Variants in PTPRT observed in about 807,000 individuals in gnomAD.
PTPRT encodes the protein protein tyrosine phosphatase receptor type T, also known as receptor-type tyrosine-protein phosphatase T.
In PTPRT, 56 loss-of-function variants were observed where a neutral mutation model predicts 176.8. The observed-to-expected ratio is 0.32, with a 90% CI of 0.26 to 0.40. The LOEUF (loss-of-function observed/expected upper bound fraction) is 0.40. Among genes scored for constraint, PTPRT ranks in the 10% least tolerant of loss-of-function variants. The pLI is 1.00. For missense variants in PTPRT, 1,540 were observed against 1,908.2 expected (o/e 0.81, Z 3.60); for synonymous variants, 783 against 739.0 (o/e 1.06, Z -0.96).
intron 16 of PTPRT, among the ~76,000 whole-genome samples, chr20:42,193,204 ATATGGAC>A (rs1253298526): frequency 6.6e-6 from 1 of 152,270 alleles, no homozygotes; most frequent in East Asian, 1.9e-4. Context: ...GATAATAATC[ATATGGAC>A]TATACAGGGT....
chr20:42,739,880 C>T (rs900319370), intron 6 of PTPRT, among the ~76,000 whole-genome samples: 2 of 152,204 alleles, frequency 1.3e-5, no homozygotes, highest in Admixed American at 1.3e-4. Flanking sequence ...GGGAGCCCCA[C>T]CTATGCATGT....
chr20:42,053,800 C>T, the PTPRT span, among the ~76,000 whole-genome samples: 109 of 152,238 alleles, frequency 7.2e-4, no homozygotes, highest in Non-Finnish European at 1.4e-3. Flanking sequence ...TTATTTAGCA[C>T]CTATTTGGAG....
chr20:42,206,370 C>G (rs946639828), intron 15 of PTPRT, among the ~76,000 whole-genome samples: 9 of 152,300 alleles, frequency 5.9e-5, no homozygotes, highest in Middle Eastern at 3.4e-3. Flanking sequence ...ATCTGAGGTA[C>G]CGGGTTCATC....
chr20:42,963,576 T>A (rs921917522), intron 1 of PTPRT, among the ~76,000 whole-genome samples: 13 of 151,096 alleles, frequency 8.6e-5, no homozygotes, highest in Admixed American at 3.9e-4. Flanking sequence ...AGAAAGAATA[T>A]AAATGCTATA....
chr20:42,355,711 C>A (rs2058349421), intron 9 of PTPRT, among the ~76,000 whole-genome samples: 1 of 152,160 alleles, frequency 6.6e-6, no homozygotes, highest in African/African-American at 2.4e-5. Context: ...AACCCCAGTG[C>A]ACCAGTGGAG....
At position 42,921,932 on chromosome 20, in the gene PTPRT, C is replaced by T. The variant is rs563097618; in HGVS notation, c.89-36000G>A. Among the ~76,000 whole-genome samples, 3 of 152,288 alleles carry T rather than the reference C, an allele frequency of 2.0e-5. No individual in the cohort carries two copies. The East Asian group carries it at 5.8e-4, about 29-fold the overall frequency. On this transcript the variant is annotated intron_variant, in intron 1 of 30. Coordinates refer to ENST00000373187, the MANE Select transcript of PTPRT (RefSeq NM_007050.6). Reference sequence around the variant, plus strand: ...AGATTCCACACAGCGTTCTCTCTTGCTTGTCTTCCACCTACTCTTTTGAGA... The same window carrying T: ...AGATTCCACACAGCGTTCTCTCTTGTTTGTCTTCCACCTACTCTTTTGAGA...
intron 5 of PTPRT, among the ~76,000 whole-genome samples, chr20:42,770,856 G>C (rs1042109556): frequency 1.3e-5 from 2 of 152,180 alleles, no homozygotes; most frequent in African/African-American, 4.8e-5. Context: ...GGAACTTTTA[G>C]GTTTTGGTCT....
chr20:42,895,408 A>G (rs923356382), intron 1 of PTPRT, among the ~76,000 whole-genome samples: 2 of 152,208 alleles, frequency 1.3e-5, no homozygotes, highest in African/African-American at 4.8e-5. Context: ...CTTGTCTCCA[A>G]ACACAGTCAC....
chr20:42,166,693 C>T (rs577918734), intron 16 of PTPRT, among the ~76,000 whole-genome samples: 3 of 152,072 alleles, frequency 2.0e-5, no homozygotes, highest in African/African-American at 4.8e-5. Context: ...CCTAGGTGGG[C>T]GGATTGTCTA....
At chr20:43,116,788 G>T (rs187914181) in intron 1 of PTPRT, among the ~76,000 whole-genome samples, 1 of 152,280 alleles carries the variant, frequency 6.6e-6, no homozygotes, top group South Asian at 2.1e-4. Flanking sequence ...ATTTGCAACA[G>T]GTGCACAGGT....
At chr20:42,675,521 G>A (rs951050308) in intron 7 of PTPRT, among the ~76,000 whole-genome samples, 1 of 152,230 alleles carries the variant, frequency 6.6e-6, no homozygotes, top group Non-Finnish European at 1.5e-5. Flanking sequence ...CTCTGTGCTT[G>A]TCTGTCATCA....
chr20:42,115,384 G>A, intron 21 of PTPRT, 69 bp from the exon 22 acceptor site: 5 of 1,175,778 alleles, frequency 4.3e-6, no homozygotes, highest in Non-Finnish European at 6.4e-6. Context: ...ATGGCTGAGT[G>A]TGAGCAGCTG....
At chr20:42,160,861 G>A (rs888624696) in intron 17 of PTPRT, among the ~76,000 whole-genome samples, 12 of 152,324 alleles carry the variant, frequency 7.9e-5, no homozygotes, top group Admixed American at 3.9e-4. Flanking sequence ...GCCTTCGGGG[G>A]ATGGGAGCGG....
intron 13 of PTPRT, among the ~76,000 whole-genome samples, chr20:42,278,602 A>T (rs1296027748): frequency 6.6e-6 from 1 of 152,108 alleles, no homozygotes; most frequent in Non-Finnish European, 1.5e-5. Flanking sequence ...ACTTGGATGG[A>T]ACTGGGCATC....
In PTPRT at chr20:42,855,581, G is replaced by A. The variant is rs563245942; in HGVS notation, c.214+30226C>T. 2.2e-4 allele frequency among the ~76,000 whole-genome samples: 32 copies of A among 145,326 alleles called. No homozygotes were observed. In the South Asian group the frequency reaches 2.9e-3, roughly 13 times the overall value. On this transcript the variant is annotated intron_variant, in intron 2 of 30. Coordinates refer to ENST00000373187, the MANE Select transcript of PTPRT (RefSeq NM_007050.6). ...CAAGTAGCTGGGATCACAGGAGTGC[G>A]CCACCACACCCAGCTGATTTTTGTA...
chr20:42,471,147 T>A (rs2071189028), intron 8 of PTPRT, among the ~76,000 whole-genome samples: 1 of 152,222 alleles, frequency 6.6e-6, no homozygotes, highest in Non-Finnish European at 1.5e-5. Context: ...AAGCTTTTTA[T>A]ATCTATTTTC....
chr20:42,257,233 C>G (rs1375913631), intron 13 of PTPRT, among the ~76,000 whole-genome samples: 1 of 152,120 alleles, frequency 6.6e-6, no homozygotes, highest in Non-Finnish European at 1.5e-5. Flanking sequence ...CAAGTCAAGG[C>G]CAACATGGAG....
intron 8 of PTPRT, among the ~76,000 whole-genome samples, chr20:42,461,759 T>C (rs116721203): frequency 6.5e-4 from 99 of 152,256 alleles, no homozygotes; most frequent in African/African-American, 2.3e-3. Flanking sequence ...TTTGGTGCAA[T>C]GGCAGGGATC....
At chr20:42,832,297 G>C (rs1310827212) in intron 2 of PTPRT, among the ~76,000 whole-genome samples, 1 of 152,118 alleles carries the variant, frequency 6.6e-6, no homozygotes, top group Non-Finnish European at 1.5e-5. Context: ...CTTATAAGTG[G>C]GAGCTAAATG....
Sources: gnomAD v4.1 joint callset for allele counts (sites outside exome capture counted in the v4.1 genomes callset) on GRCh38, gnomAD v4.1.1 for gene constraint, MANE v1.5 for transcripts, NCBI Gene and HGNC (gene_info 2026-07-23, HGNC 2026-07-21) for gene names.